ELP2: variants seen among roughly 807,000 people sequenced by gnomAD.
The protein encoded by ELP2 is elongator acetyltransferase complex subunit 2.
ELP2 carries 90 observed loss-of-function variants against 119.2 expected under a neutral mutation model. The ratio of observed to expected loss-of-function variants is 0.75; its 90% confidence interval spans 0.64 to 0.90. The LOEUF (loss-of-function observed/expected upper bound fraction) is 0.90, where lower values mean the gene tolerates loss of function less well. ELP2 is among the 40% of genes least tolerant of loss of function. ELP2 has a pLI of 0.00. For missense variants in ELP2, 921 were observed against 967.8 expected, an observed-to-expected ratio of 0.95 and a Z score of 0.64; for synonymous variants, 339 against 331.0, an observed-to-expected ratio of 1.02 and a Z score of -0.26.
At chr18:36,138,028 C>T in intron 3 of ELP2, 1 of 465,412 alleles carries the variant, frequency 2.1e-6, no homozygotes, top group Non-Finnish European at 3.9e-6. Flanking sequence ...ACAAAGTTGA[C>T]CTATATTCTT....
At chr18:36,154,803 G>T in intron 11 of ELP2, 47 bp from the exon 12 acceptor site, 1 of 1,610,450 alleles carries the variant, frequency 6.2e-7, no homozygotes, top group Non-Finnish European at 8.5e-7. Context: ...TACTTTGGTG[G>T]TAGTCTTTGA....
chr18:36,169,850 G>T, intron 19 of ELP2: 1 of 610,868 alleles, frequency 1.6e-6, no homozygotes, highest in Non-Finnish European at 2.9e-6. Context: ...TTGGACCAAG[G>T]TGAGCTCTCG....
rs56758248 is a variant in ELP2, at chr18:36,179,307, C to CAAAAAAAAAAAA, written c.*4671_*4682dup. The CAAAAAAAAAAAA allele has an allele frequency of 3.7e-5, 4 of 108,778 alleles. No homozygotes were observed. The highest frequency in any genetic ancestry group is 7.2e-5 in the African/African-American group (2 of 27,932). The allele number at this position is 108,778 out of a possible 1,614,324, so 6.7% of individuals were successfully genotyped here. On this transcript the variant is annotated 3_prime_UTR_variant, in exon 22 of 22. Transcript: ENST00000358232. ...TGAAACCCCATCTCTACTAAAAATA[C>CAAAAAAAAAAAA]AAAAAAAAAAAAAAAATTAGTCGGG...
chr18:36,164,519 A>G lies in ELP2; in HGVS notation c.1806A>G (p.Thr602=). The G allele has an allele frequency of 1.9e-6, 3 of 1,614,100 alleles. No individual in the cohort carries two copies. Among genetic ancestry groups the G allele is most frequent in the Non-Finnish European group, 1.7e-6 (2 of 1,179,972 alleles). Residue 602 remains threonine, a synonymous_variant, in exon 18 of 22, where the codon ACA becomes ACG. Coordinates refer to ENST00000358232, the MANE Select transcript of ELP2 (RefSeq NM_018255.4). ...EHAAIILWNT[T]SWKQVQNLVF... is the part of the protein sequence containing the mutation. ...CAGCTATCATTCTTTGGAACACTAC[A>G]TCTTGGAAACAGGTGCAGAATTTAG...
rs149346595 is a variant in ELP2, at chr18:36,149,323, A to G, written c.1125+2942A>G. ...ACAGGATAAGGTTAGGTAGGTGCAG[A>G]ACTAGTGAGCTATTTTTACCACCAG... On this transcript the variant is annotated intron_variant, in intron 11 of 21. Coordinates refer to ENST00000358232, the MANE Select transcript of ELP2 (RefSeq NM_018255.4). Among the ~76,000 whole-genome samples the G allele has an allele frequency of 1.2e-4, 18 of 152,298 alleles. No individual in the cohort carries two copies. The East Asian group carries it at 3.5e-3, about 29-fold the overall frequency.
chr18:36,143,987 G>T (rs2090121916), intron 8 of ELP2, among the ~76,000 whole-genome samples: 1 of 152,184 alleles, frequency 6.6e-6, no homozygotes, highest in South Asian at 2.1e-4. Context: ...TCTAGCCTTA[G>T]AACAGTATCC....
intron 12 of ELP2, among the ~76,000 whole-genome samples, chr18:36,155,354 AC>A (rs2090540988): frequency 6.6e-6 from 1 of 151,548 alleles, no homozygotes; most frequent in Non-Finnish European, 1.5e-5. Flanking sequence ...TTAAAAGAAA[AC>A]ATCCATGAAC....
chr18:36,180,505 A>G lies in ELP2; in HGVS notation c.*5864A>G, dbSNP rs1020294720. ...CTGGGATATAAATAAGACAGCAGTA[A>G]TTTGTATCTGGTACTATTATGATTA... On this transcript the variant is annotated 3_prime_UTR_variant, in exon 22 of 22. Transcript: ENST00000358232. 1 of 152,206 alleles carries G rather than the reference A, an allele frequency of 6.6e-6. No homozygotes were observed. The highest frequency in any genetic ancestry group is 2.4e-5 in the African/African-American group (1 of 41,452). The allele number at this position is 152,206 out of a possible 1,614,324, so 9.4% of individuals were successfully genotyped here.
chr18:36,156,303 C>T (rs1241185930), intron 12 of ELP2, among the ~76,000 whole-genome samples, 163 bp from the exon 13 acceptor site: 1 of 152,164 alleles, frequency 6.6e-6, no homozygotes, highest in Non-Finnish European at 1.5e-5. Context: ...TTCTGTGGCT[C>T]TTGGTAATTT....
In ELP2 at chr18:36,146,324, C is replaced by G. The variant is rs920215685; in HGVS notation, c.1068C>G (p.Ile356Met). The change falls in exon 11 of 22, where the codon ATC becomes ATG. Residue 356 changes from isoleucine to methionine, a missense_variant. Transcript: ENST00000358232. ...DCQFNEDGSMIIAHAFHGALH... is the reference protein window; with the variant it reads ...DCQFNEDGSMMIAHAFHGALH... ...AGTTCAATGAAGATGGCTCCATGAT[C>G]ATTGCTCATGCTTTCCACGGAGCGT... 13 of 1,613,994 alleles carry G rather than the reference C, an allele frequency of 8.1e-6. No homozygotes were observed. Among genetic ancestry groups the G allele is most frequent in the African/African-American group, 1.3e-5 (1 of 74,930 alleles).
chr18:36,161,933 G>A (rs1010158317), intron 17 of ELP2, among the ~76,000 whole-genome samples: 3 of 152,130 alleles, frequency 2.0e-5, no homozygotes, highest in African/African-American at 7.2e-5. Context: ...CTTCTACTGA[G>A]CAGATAATTT....
chr18:36,174,756 A>G lies in ELP2; in HGVS notation c.*115A>G. ...TTTCTGGGTTTTTTTTTTTTTTGAG[A>G]TGGAGTCTTGCTTTGTCACAACCTC... On this transcript the variant is annotated 3_prime_UTR_variant, in exon 22 of 22. Coordinates refer to ENST00000358232, the MANE Select transcript of ELP2 (RefSeq NM_018255.4). 1.0e-6 allele frequency: 1 copy of G among 994,850 alleles called. No individual in the cohort carries two copies. Among genetic ancestry groups the G allele is most frequent in the South Asian group, 1.5e-5 (1 of 67,708 alleles). 61.6% of individuals were successfully genotyped at this position (994,850 alleles called of 1,614,324 possible). A position where few individuals can be genotyped will look rare whatever the true frequency, so the allele number is the denominator to read the frequency against.
Position 36,133,274 on chromosome 18 carries a change from G to A in ELP2, c.175G>A (p.Ala59Thr), listed in dbSNP as rs763397524. 6.8e-6 allele frequency: 11 copies of A among 1,613,804 alleles called. No individual in the cohort carries two copies. The highest frequency in any genetic ancestry group is 2.2e-5 in the East Asian group (1 of 44,874). Residue 59 changes from alanine (A) to threonine (T), a missense_variant, in exon 2 of 22, where the codon GCC (alanine) becomes ACC (threonine). By Grantham distance (58) the Ala-to-Thr change is moderately conservative. Transcript: ENST00000358232. ...VVVTNLNGHT[A>T]RVNCIQWICK... Reference sequence around the variant, plus strand: ...TGTTACCAACTTGAATGGTCACACCGCCCGAGTCAATTGCATACAGTGGAT... The same window carrying A: ...TGTTACCAACTTGAATGGTCACACCACCCGAGTCAATTGCATACAGTGGAT...
At chr18:36,136,626 A>G in intron 3 of ELP2, 1 of 442,998 alleles carries the variant, frequency 2.3e-6, no homozygotes, top group Non-Finnish European at 4.0e-6. Flanking sequence ...TGACTTTTAT[A>G]TATACTTTTA....
At chr18:36,155,850 G>A (rs1568005988) in intron 12 of ELP2, among the ~76,000 whole-genome samples, 1 of 152,146 alleles carries the variant, frequency 6.6e-6, no homozygotes. Context: ...TAGTAGTGAG[G>A]GCAGTTTTTG....
chr18:36,151,027 C>T (rs111933626), intron 11 of ELP2, among the ~76,000 whole-genome samples: 9 of 151,998 alleles, frequency 5.9e-5, no homozygotes, highest in Admixed American at 3.3e-4. Context: ...AGTTTCCCCC[C>T]CTATTGCCCC....
chr18:36,169,997 A>G (rs1449613444), intron 19 of ELP2, 66 bp from the exon 20 acceptor site: 1 of 1,602,660 alleles, frequency 6.2e-7, no homozygotes, highest in South Asian at 1.1e-5. Context: ...TGCCGATGAA[A>G]CTGTAGTACA....
intron 2 of ELP2, 77 bp downstream of exon 2, chr18:36,133,393 C>A: frequency 9.7e-7 from 1 of 1,033,092 alleles, no homozygotes; most frequent in Non-Finnish European, 1.5e-6. Flanking sequence ...TTTCTCATCA[C>A]TTCTCTTAAT....
chr18:36,135,102 A>G (rs1283260411), intron 2 of ELP2, among the ~76,000 whole-genome samples: 1 of 152,216 alleles, frequency 6.6e-6, no homozygotes, highest in East Asian at 1.9e-4. Context: ...ATTAATTGCC[A>G]CCAGATAACA....
Sources: allele counts gnomAD v4.1 joint callset (sites outside exome capture counted in the v4.1 genomes callset), GRCh38; gene constraint gnomAD v4.1.1; transcripts MANE v1.5; gene names NCBI Gene and HGNC (gene_info 2026-07-23, HGNC 2026-07-21).